Variants in SULT1A2 observed in about 807,000 individuals in gnomAD.
SULT1A2 encodes the protein sulfotransferase family 1A member 2.
Under a neutral mutation model 36.0 loss-of-function variants are expected in SULT1A2, and 33 were observed. The observed-to-expected ratio is 0.92, with a 90% CI of 0.69 to 1.22. SULT1A2 has a LOEUF of 1.22. SULT1A2 is among the 50% of genes most tolerant of loss of function. The pLI is 0.00. For missense variants in SULT1A2, 367 were observed against 383.2 expected, an observed-to-expected ratio of 0.96 and a Z score of 0.35; for synonymous variants, 138 against 144.5, an observed-to-expected ratio of 0.96 and a Z score of 0.32.
intron 3 of SULT1A2, 34 bp downstream of exon 3, chr16:28,595,516 T>C: frequency 6.2e-7 from 1 of 1,614,024 alleles, no homozygotes; most frequent in South Asian, 1.1e-5. Flanking sequence ...AGCCCTGTCT[T>C]CCTCCACTCC....
At chr16:28,596,111 G>T (rs1158498176) in intron 1 of SULT1A2, 177 bp from the exon 2 acceptor site, 24 of 1,453,218 alleles carry the variant, frequency 1.7e-5, no homozygotes, top group Non-Finnish European at 2.0e-5. Flanking sequence ...CTCTAATGTG[G>T]TGGTTCCCCA....
At chr16:28,596,500 C>T in intron 1 of SULT1A2, 1 of 577,620 alleles carries the variant, frequency 1.7e-6, no homozygotes, top group Non-Finnish European at 2.4e-6. Context: ...AGCAACTGAG[C>T]TGGTATTGGG....
At chr16:28,594,157 C>G (rs2047032547) in intron 4 of SULT1A2, among the ~76,000 whole-genome samples, 1 of 150,276 alleles carries the variant, frequency 6.7e-6, no homozygotes, top group Admixed American at 6.7e-5. Context: ...GAAAAAAGAC[C>G]TTGGGCTTTC....
Position 28,596,982 on chromosome 16 carries a change from C to T in SULT1A2, c.-5+15G>A, listed in dbSNP as rs573982452. 109 of 1,261,970 alleles carry T rather than the reference C, an allele frequency of 8.6e-5. No individual in the cohort carries two copies. Among genetic ancestry groups the T allele is most frequent in the African/African-American group, 1.5e-4 (10 of 65,066 alleles). 78.2% of individuals were successfully genotyped at this position (1,261,970 alleles called of 1,614,324 possible). A position where few individuals can be genotyped will look rare whatever the true frequency, so the allele number is the denominator to read the frequency against. On this transcript the variant is annotated intron_variant, in intron 1 of 7. Coordinates refer to ENST00000335715, the MANE Select transcript of SULT1A2 (RefSeq NM_001054.4). ...AGGGTGAGGGCGTCCTGGGCCATTCCGGTGTGTCACTCACCTGAGCTCTTG... is the reference window on the plus strand; with the variant it reads ...AGGGTGAGGGCGTCCTGGGCCATTCTGGTGTGTCACTCACCTGAGCTCTTG...
At chr16:28,593,107 G>A in intron 6 of SULT1A2, 145 bp downstream of exon 6, 1 of 1,240,820 alleles carries the variant, frequency 8.1e-7, no homozygotes, top group Non-Finnish European at 1.1e-6. Flanking sequence ...GGGCTGCAGT[G>A]GGGCCTGGGC....
intron 1 of SULT1A2, chr16:28,596,451 G>T: frequency 1.3e-6 from 1 of 783,858 alleles, no homozygotes; most frequent in Non-Finnish European, 1.7e-6. Flanking sequence ...CACTTGCCCG[G>T]CCACAGTCCA....
At chr16:28,594,109 G>T (rs1364773093) in intron 4 of SULT1A2, among the ~76,000 whole-genome samples, 13 of 132,884 alleles carry the variant, frequency 9.8e-5, no homozygotes, top group Admixed American at 1.6e-4. Context: ...TTTTTTTTTG[G>T]GGGGGGGGAC....
chr16:28,596,891 T>G, intron 1 of SULT1A2, 106 bp downstream of exon 1: 2 of 779,164 alleles, frequency 2.6e-6, no homozygotes, highest in Non-Finnish European at 3.4e-6. Context: ...AAATGGGATA[T>G]CCATGGGGAG....
At chr16:28,594,094 T>G (rs1273538242) in intron 4 of SULT1A2, among the ~76,000 whole-genome samples, 1 of 95,200 alleles carries the variant, frequency 1.1e-5, no homozygotes, top group Non-Finnish European at 2.4e-5. Context: ...TTGTTGTGGT[T>G]TTTTTTTTTT....
chr16:28,596,116 TC>T, intron 1 of SULT1A2, 182 bp from the exon 2 acceptor site: 1 of 1,437,270 alleles, frequency 7.0e-7, no homozygotes. Flanking sequence ...ATGTGGTGGT[TC>T]CCCAGCCTGG....
In SULT1A2 at chr16:28,596,281, C is replaced by T. The variant is rs1036037217; in HGVS notation, c.-4-347G>A. On this transcript the variant is annotated intron_variant, in intron 1 of 7. Transcript: ENST00000335715. ...AGCTGCACTGAGGAACCTCTAGGAC[C>T]TTCCTGTGCTGTCTTCCTGCCAGCC... 176 of 1,231,792 alleles carry T rather than the reference C, an allele frequency of 1.4e-4. 1 individual carries two copies. The Middle Eastern group carries it at 2.4e-3, about 17-fold the overall frequency. The allele number at this position is 1,231,792 out of a possible 1,614,324, so 76.3% of individuals were successfully genotyped here. A position where few individuals can be genotyped will look rare whatever the true frequency, so the allele number is the denominator to read the frequency against.
At position 28,592,092 on chromosome 16, in the gene SULT1A2, C is replaced by T. The variant is rs368621372; in HGVS notation, c.824G>A (p.Arg275His). ...CTTCTTCGCATAGTCCGCATCGAAGCGCTCATTCTGCGCCACGGTGAAGGT... is the reference window on the plus strand; with the variant it reads ...CTTCTTCGCATAGTCCGCATCGAAGTGCTCATTCTGCGCCACGGTGAAGGT... Reference protein sequence around the residue: ...KTTFTVAQNERFDADYAKKMA... With the variant: ...KTTFTVAQNEHFDADYAKKMA... The change falls in exon 8 of 8, where the codon CGC becomes CAC. Residue 275 changes from arginine (R) to histidine (H), a missense_variant. Transcript: ENST00000335715. The T allele has an allele frequency of 1.9e-5, 31 of 1,611,952 alleles. No individual in the cohort carries two copies. Among genetic ancestry groups the T allele is most frequent in the Non-Finnish European group, 2.5e-5 (29 of 1,179,936 alleles).
chr16:28,594,750 C>G (rs2047038430), intron 4 of SULT1A2, among the ~76,000 whole-genome samples: 1 of 147,128 alleles, frequency 6.8e-6, no homozygotes, highest in Middle Eastern at 3.6e-3. Flanking sequence ...ACAACAGGCC[C>G]AGCCCCCTGC....
chr16:28,594,610 G>T (rs145260788), intron 4 of SULT1A2, among the ~76,000 whole-genome samples: 1 of 151,472 alleles, frequency 6.6e-6, no homozygotes, highest in Non-Finnish European at 1.5e-5. Flanking sequence ...CTGCCCCAAC[G>T]CCTGGCTAAT....
chr16:28,595,708 C>G (rs2151666593), intron 2 of SULT1A2, 33 bp from the exon 3 acceptor site: 1 of 1,613,400 alleles, frequency 6.2e-7, no homozygotes, highest in African/African-American at 1.3e-5. Flanking sequence ...GGTGAGCAGG[C>G]TGAGGTGAGC....
chr16:28,596,634 A>C (rs2047062365), intron 1 of SULT1A2: 1 of 209,742 alleles, frequency 4.8e-6, no homozygotes, highest in Non-Finnish European at 9.7e-6. Context: ...TTTGGAGACC[A>C]ATCTGGGCAG....
chr16:28,595,293 C>T, intron 4 of SULT1A2, 74 bp downstream of exon 4: 1 of 1,582,196 alleles, frequency 6.3e-7, no homozygotes, highest in East Asian at 2.2e-5. Context: ...GAACTTCTGG[C>T]TTCAAGGGAT....
At chr16:28,592,620 GTGATCCCATCA>G in intron 6 of SULT1A2, 177 bp from the exon 7 acceptor site, 1 of 1,227,470 alleles carries the variant, frequency 8.1e-7, no homozygotes, top group Admixed American at 2.4e-5. Context: ...TGTCTGCCCT[GTGATCCCATCA>G]TGAGCTGGGC....
chr16:28,592,850 C>T (rs1205858395), intron 6 of SULT1A2, among the ~76,000 whole-genome samples: 10 of 152,056 alleles, frequency 6.6e-5, no homozygotes, highest in Admixed American at 4.6e-4. Flanking sequence ...GCCAACATGG[C>T]ACAACACAAA....
Sources: allele counts gnomAD v4.1 joint callset (sites outside exome capture counted in the v4.1 genomes callset), GRCh38; gene constraint gnomAD v4.1.1; transcripts MANE v1.5; gene names NCBI Gene and HGNC (gene_info 2026-07-23, HGNC 2026-07-21).